POU6F2: variants seen among roughly 807,000 people sequenced by gnomAD.
POU6F2 encodes the protein POU class 6 homeobox 2, also known as POU domain, class 6, transcription factor 2.
Under a neutral mutation model 71.3 loss-of-function variants are expected in POU6F2, and 31 were observed. The observed-to-expected ratio is 0.43, with a 90% CI of 0.33 to 0.59. The LOEUF is 0.59. POU6F2 is among the 20% of genes least tolerant of loss of function. The pLI is 0.04. For synonymous variants in POU6F2, 347 were observed against 355.7 expected, an observed-to-expected ratio of 0.98 and a Z score of 0.27; for missense variants, 783 against 856.8, an observed-to-expected ratio of 0.91 and a Z score of 1.07.
chr7:39,288,388 A>T (rs533706485), intron 4 of POU6F2, among the ~76,000 whole-genome samples: 1 of 152,196 alleles, frequency 6.6e-6, no homozygotes, highest in Non-Finnish European at 1.5e-5. Context: ...TGCTCATCTC[A>T]TAGGACAGAG....
rs1016811605 is a variant in POU6F2, at chr7:39,459,452, G to GGTTTGGTTTT, written c.1490-1091_1490-1090insGGTTTTGTTT. Among the ~76,000 whole-genome samples, 630 of 149,038 alleles carry GGTTTGGTTTT rather than the reference G, an allele frequency of 4.2e-3. 3 individuals carry two copies. Among genetic ancestry groups the GGTTTGGTTTT allele is most frequent in the African/African-American group, 0.014 (550 of 40,176 alleles). ...GGCGTGCAAATGTTCTGGTTTTGTG[G>GGTTTGGTTTT]GTTTTGTTTTGTTTTGTTTTGTTTT... On this transcript the variant is annotated intron_variant, in intron 8 of 9. Coordinates refer to ENST00000518318, the MANE Select transcript of POU6F2 (RefSeq NM_001370959.1).
chr7:39,001,828 T>C (rs761225789), intron 1 of POU6F2, among the ~76,000 whole-genome samples: 4 of 151,884 alleles, frequency 2.6e-5, no homozygotes, highest in African/African-American at 4.8e-5. Flanking sequence ...ATGATAGTCA[T>C]GGTGATGTGA....
At chr7:39,019,388 T>C (rs2128706265) in intron 1 of POU6F2, among the ~76,000 whole-genome samples, 1 of 152,304 alleles carries the variant, frequency 6.6e-6, no homozygotes, top group East Asian at 1.9e-4. Flanking sequence ...AATCCTTGTG[T>C]TCCGAAATTT....
intron 4 of POU6F2, among the ~76,000 whole-genome samples, chr7:39,266,619 C>T (rs1390547351): frequency 1.3e-5 from 2 of 151,688 alleles, no homozygotes; most frequent in African/African-American, 2.4e-5. Flanking sequence ...TAGCCTTGAC[C>T]TCCTGGGCTC....
At chr7:39,048,609 C>A (rs1338070163) in intron 1 of POU6F2, among the ~76,000 whole-genome samples, 1 of 151,850 alleles carries the variant, frequency 6.6e-6, no homozygotes, top group Non-Finnish European at 1.5e-5. Flanking sequence ...TAGGTTGATT[C>A]CATATCGTTG....
intron 1 of POU6F2, among the ~76,000 whole-genome samples, chr7:38,999,518 T>C (rs958099928): frequency 1.3e-5 from 2 of 152,198 alleles, no homozygotes; most frequent in Admixed American, 6.5e-5. Context: ...TGTCATAATA[T>C]ACTATATGTG....
intron 4 of POU6F2, among the ~76,000 whole-genome samples, chr7:39,270,136 G>T (rs1254055550): frequency 6.6e-6 from 1 of 152,202 alleles, no homozygotes; most frequent in Non-Finnish European, 1.5e-5. Flanking sequence ...GGAATGAGCA[G>T]ACTTAGCTTC....
intron 6 of POU6F2, among the ~76,000 whole-genome samples, chr7:39,413,437 A>G (rs1272621874): frequency 6.6e-6 from 1 of 152,224 alleles, no homozygotes; most frequent in Admixed American, 6.5e-5. Context: ...AGAATCAGAC[A>G]TGTTTTGTTG....
At chr7:39,383,929 T>A (rs1442623263) in intron 5 of POU6F2, among the ~76,000 whole-genome samples, 2 of 152,246 alleles carry the variant, frequency 1.3e-5, no homozygotes, top group African/African-American at 2.4e-5. Flanking sequence ...TGGAAATGCT[T>A]CTTTAATTCT....
At chr7:39,044,361 T>A (rs1429016441) in intron 1 of POU6F2, among the ~76,000 whole-genome samples, 1 of 151,954 alleles carries the variant, frequency 6.6e-6, no homozygotes, top group African/African-American at 2.4e-5. Context: ...AGAATACATG[T>A]CCATATATTT....
At chr7:39,119,452 TG>T in intron 2 of POU6F2, among the ~76,000 whole-genome samples, 1 of 152,204 alleles carries the variant, frequency 6.6e-6, no homozygotes, top group South Asian at 2.1e-4. Flanking sequence ...TCAAAGATGG[TG>T]ATATAATTTG....
chr7:39,451,711 C>G lies in POU6F2; in HGVS notation c.1489+10C>G. The G allele has an allele frequency of 6.4e-7, 1 of 1,569,042 alleles. No homozygotes were observed. Among genetic ancestry groups the G allele is most frequent in the Non-Finnish European group, 8.6e-7 (1 of 1,156,108 alleles). ...GGCCAGTTAGTCAGCAGTAAGTATC[C>G]TTTCTGGCTCGGTTTAAATCGTGGT... On this transcript the variant is annotated intron_variant, in intron 8 of 9. Transcript: ENST00000518318.
intron 1 of POU6F2, among the ~76,000 whole-genome samples, chr7:39,013,790 G>A (rs192940524): frequency 6.6e-6 from 1 of 152,026 alleles, no homozygotes; most frequent in Non-Finnish European, 1.5e-5. Context: ...TCAATGAGTG[G>A]AGGAAATAGT....
At chr7:39,015,853 A>C (rs1292281471) in intron 1 of POU6F2, among the ~76,000 whole-genome samples, 2 of 20,860 alleles carry the variant, frequency 9.6e-5, no homozygotes. Flanking sequence ...TTATATATAG[A>C]TATATATAAT....
At chr7:39,104,940 T>TC (rs1370587113) in intron 2 of POU6F2, among the ~76,000 whole-genome samples, 1 of 152,242 alleles carries the variant, frequency 6.6e-6, no homozygotes, top group South Asian at 2.1e-4. Flanking sequence ...TAGCTCAATG[T>TC]CTTATAGATA....
At chr7:39,132,269 A>C (rs536114284) in intron 2 of POU6F2, 1 of 152,292 alleles carries the variant, frequency 6.6e-6, no homozygotes, top group African/African-American at 2.4e-5. Flanking sequence ...TCTGAATTCA[A>C]ATTTGCTCAT....
intron 4 of POU6F2, among the ~76,000 whole-genome samples, chr7:39,251,315 T>C (rs77625925): frequency 0.022 from 3,348 of 152,272 alleles, 135 homozygotes; most frequent in African/African-American, 0.076. Flanking sequence ...GTTGATGGCA[T>C]CACAGGAGAT....
chr7:39,146,685 G>A (rs745375446), intron 2 of POU6F2, among the ~76,000 whole-genome samples: 4 of 152,170 alleles, frequency 2.6e-5, no homozygotes, highest in Non-Finnish European at 4.4e-5. Context: ...GCTTCAAGTT[G>A]TGGGTTTCTT....
chr7:39,206,457 GAATTATTTTCAAAGATTTT>G (rs779401533), intron 3 of POU6F2, among the ~76,000 whole-genome samples: 97 of 152,266 alleles, frequency 6.4e-4, no homozygotes, highest in Non-Finnish European at 8.7e-4. Flanking sequence ...AATAACAAAA[GAATTATTTTCAAAGATTTT>G]AAGTTTTATC....
Sources: gnomAD v4.1 joint callset for allele counts (sites outside exome capture counted in the v4.1 genomes callset) on GRCh38, gnomAD v4.1.1 for gene constraint, MANE v1.5 for transcripts, NCBI Gene and HGNC (gene_info 2026-07-23, HGNC 2026-07-21) for gene names.